HS2ST1: variants seen among roughly 807,000 people sequenced by gnomAD.
HS2ST1 encodes the protein 2-O-sulfotransferase.
HS2ST1 carries 18 observed loss-of-function variants against 42.9 expected under a neutral mutation model. The observed-to-expected ratio is 0.42, with a 90% CI of 0.29 to 0.62. The LOEUF is 0.62. Among genes scored for constraint, HS2ST1 ranks in the 20% least tolerant of loss-of-function variants. HS2ST1 has a pLI of 0.21. For synonymous variants in HS2ST1, 146 were observed against 152.9 expected (o/e 0.95, Z 0.33); for missense variants, 334 against 433.8 (o/e 0.77, Z 2.04).
In HS2ST1 at chr1:87,023,579, A is replaced by G. The variant is rs577995253; in HGVS notation, c.125-49355A>G. On this transcript the variant is annotated intron_variant, in intron 1 of 6. Coordinates refer to ENST00000370550, the MANE Select transcript of HS2ST1 (RefSeq NM_012262.4). ...ACAGATTAACACTGAGGCATATGCT[A>G]GTATCTTGATATGCCAGACTCTGAG... 1.2e-3 allele frequency among the ~76,000 whole-genome samples: 182 copies of G among 152,270 alleles called. 1 individual carries two copies. Among genetic ancestry groups the G allele is most frequent in the African/African-American group, 4.1e-3 (171 of 41,570 alleles).
intron 1 of HS2ST1, among the ~76,000 whole-genome samples, chr1:86,970,918 A>T (rs1648215084): frequency 6.6e-6 from 1 of 152,160 alleles, no homozygotes; most frequent in Non-Finnish European, 1.5e-5. Context: ...TTATATATAT[A>T]ATAGATGCCA....
chr1:86,937,034 G>A (rs1015810746), intron 1 of HS2ST1, among the ~76,000 whole-genome samples: 15 of 151,976 alleles, frequency 9.9e-5, no homozygotes, highest in Non-Finnish European at 1.9e-4. Context: ...GAACCCGGGA[G>A]GTGGAGGTTG....
chr1:87,005,554 CTG>C (rs1570478651), intron 1 of HS2ST1, among the ~76,000 whole-genome samples: 1 of 152,132 alleles, frequency 6.6e-6, no homozygotes, highest in Non-Finnish European at 1.5e-5. Context: ...GTAAACATCT[CTG>C]TAGCAATTGT....
At chr1:87,097,021 A>T (rs1350108293) in intron 4 of HS2ST1, among the ~76,000 whole-genome samples, 1 of 152,240 alleles carries the variant, frequency 6.6e-6, no homozygotes, top group African/African-American at 2.4e-5. Flanking sequence ...AATAATATCA[A>T]ATGCCTCATG....
Position 86,965,968 on chromosome 1 carries a change from A to G in HS2ST1, c.124+50808A>G, listed in dbSNP as rs187343789. 8.0e-3 allele frequency among the ~76,000 whole-genome samples: 1,220 copies of G among 152,240 alleles called. 17 individuals are homozygous for G. Among genetic ancestry groups the G allele is most frequent in the African/African-American group, 0.028 (1,146 of 41,528 alleles). On this transcript the variant is annotated intron_variant, in intron 1 of 6. Transcript: ENST00000370550. ...TGCCTGTTTGGTTTTCTGTTTCTCA[A>G]TTTTCATTTCCTCTGTTTCTGTTTT...
At chr1:87,005,617 C>A (rs1649416796) in intron 1 of HS2ST1, among the ~76,000 whole-genome samples, 1 of 152,070 alleles carries the variant, frequency 6.6e-6, no homozygotes, top group South Asian at 2.1e-4. Context: ...AATGCTCTTC[C>A]TTTATATATC....
chr1:86,948,884 A>C (rs1247457938), intron 1 of HS2ST1, among the ~76,000 whole-genome samples: 1 of 152,202 alleles, frequency 6.6e-6, no homozygotes, highest in Non-Finnish European at 1.5e-5. Context: ...GGGTGATTTC[A>C]TTATGAAAAA....
At chr1:86,950,360 ATAGG>A (rs148023492) in intron 1 of HS2ST1, among the ~76,000 whole-genome samples, 14,696 of 151,896 alleles carry the variant, frequency 0.097, 955 homozygotes, top group African/African-American at 0.19. Flanking sequence ...GGGTAGATAG[ATAGG>A]TAGGTAGGTA....
chr1:87,092,770 G>T (rs899691902), intron 4 of HS2ST1, 101 bp downstream of exon 4: 13 of 715,620 alleles, frequency 1.8e-5, no homozygotes, highest in Non-Finnish European at 2.2e-5. Flanking sequence ...TTTATTACTT[G>T]CTTATTGTGG....
chr1:86,976,307 G>C (rs1043106018), intron 1 of HS2ST1, among the ~76,000 whole-genome samples: 1 of 152,172 alleles, frequency 6.6e-6, no homozygotes, highest in African/African-American at 2.4e-5. Flanking sequence ...CCATGGCAAA[G>C]TAACTTGCTA....
At chr1:87,035,516 G>A (rs1002624478) in intron 1 of HS2ST1, among the ~76,000 whole-genome samples, 1 of 152,088 alleles carries the variant, frequency 6.6e-6, no homozygotes, top group African/African-American at 2.4e-5. Context: ...GGGAGAATGT[G>A]TTATCATAAT....
At chr1:87,000,457 A>G (rs1423438786) in intron 1 of HS2ST1, among the ~76,000 whole-genome samples, 1 of 152,220 alleles carries the variant, frequency 6.6e-6, no homozygotes, top group Non-Finnish European at 1.5e-5. Flanking sequence ...TCTAAAGTCC[A>G]GAAGCTCCAA....
intron 1 of HS2ST1, chr1:87,045,371 T>G: frequency 7.1e-7 from 1 of 1,411,640 alleles, no homozygotes. Context: ...CTCTCCCTTT[T>G]CAGAAGATAT....
chr1:86,930,605 T>G lies in HS2ST1; in HGVS notation c.124+15445T>G, dbSNP rs12728814. Among the ~76,000 whole-genome samples, 590 of 152,086 alleles carry G rather than the reference T, an allele frequency of 3.9e-3. 4 individuals carry two copies. Among genetic ancestry groups the G allele is most frequent in the African/African-American group, 0.014 (567 of 41,560 alleles). The stretch of plus-strand genomic sequence containing the variant: ...CTTACCATTTTCTAAGTAGATTTTA[T>G]CCTAAATTTATAATTGCATTGGAAA... On this transcript the variant is annotated intron_variant, in intron 1 of 6. Coordinates refer to ENST00000370550, the MANE Select transcript of HS2ST1 (RefSeq NM_012262.4).
intron 1 of HS2ST1, among the ~76,000 whole-genome samples, chr1:86,962,106 T>G (rs1570448487): frequency 6.6e-6 from 1 of 152,110 alleles, no homozygotes; most frequent in South Asian, 2.1e-4. Context: ...AAGATACATA[T>G]TGTGAAAAAA....
At chr1:86,974,444 A>G (rs1026649355) in intron 1 of HS2ST1, among the ~76,000 whole-genome samples, 17 of 152,182 alleles carry the variant, frequency 1.1e-4, no homozygotes, top group African/African-American at 3.9e-4. Flanking sequence ...TGCATTCATT[A>G]TAATAAACTG....
intron 1 of HS2ST1, among the ~76,000 whole-genome samples, chr1:86,915,660 G>A (rs1379054027): frequency 6.6e-6 from 1 of 152,208 alleles, no homozygotes; most frequent in Non-Finnish European, 1.5e-5. Flanking sequence ...TGGGATGACG[G>A]AGAGCAACAT....
chr1:86,938,403 C>A (rs1660697389), intron 1 of HS2ST1, among the ~76,000 whole-genome samples: 1 of 152,102 alleles, frequency 6.6e-6, no homozygotes, highest in Non-Finnish European at 1.5e-5. Context: ...CTTACAATGT[C>A]AGTACTTTCA....
intron 1 of HS2ST1, chr1:87,045,258 T>C (rs940083206): frequency 1.7e-5 from 18 of 1,079,430 alleles, no homozygotes; most frequent in Non-Finnish European, 2.6e-5. Flanking sequence ...CTATGAAGGA[T>C]GTTGATCAAT....
Sources: allele counts gnomAD v4.1 joint callset (sites outside exome capture counted in the v4.1 genomes callset), GRCh38; gene constraint gnomAD v4.1.1; transcripts MANE v1.5; gene names NCBI Gene and HGNC (gene_info 2026-07-23, HGNC 2026-07-21).